The following WDR27 variants were observed in gnomAD, a reference collection of about 807,000 sequenced individuals.
The protein encoded by WDR27 is WD repeat-containing protein 27.
In WDR27, 100 loss-of-function variants were observed where a neutral mutation model predicts 114.4. The ratio of observed to expected loss-of-function variants is 0.87; its 90% CI spans 0.74 to 1.03. The LOEUF (loss-of-function observed/expected upper bound fraction) is 1.03, where lower values mean the gene tolerates loss of function less well. Among genes scored for constraint, WDR27 ranks in the 50% least tolerant of loss-of-function variants. The pLI is 0.00. For missense variants in WDR27, 1,129 were observed against 1,092.9 expected, an observed-to-expected ratio of 1.03 and a Z score of -0.47; for synonymous variants, 449 against 423.1, an observed-to-expected ratio of 1.06 and a Z score of -0.75.
chr6:169,548,637 C>T (rs746589487), intron 25 of WDR27, among the ~76,000 whole-genome samples: 12 of 152,046 alleles, frequency 7.9e-5, no homozygotes, highest in Non-Finnish European at 1.6e-4. Context: ...GTAACAGTTC[C>T]CTACTTCAAG....
chr6:169,484,030 T>A (rs1788546997), intron 25 of WDR27, among the ~76,000 whole-genome samples: 3 of 152,066 alleles, frequency 2.0e-5, no homozygotes. Flanking sequence ...TACCTCAAAA[T>A]AATGAGAGCC....
intron 25 of WDR27, among the ~76,000 whole-genome samples, chr6:169,562,377 C>CACACTAAT (rs1799794595): frequency 6.6e-6 from 1 of 152,162 alleles, no homozygotes. Context: ...AACAAAACAG[C>CACACTAAT]ACACTAATTT....
At chr6:169,645,303 G>A (rs938964969) in intron 16 of WDR27, among the ~76,000 whole-genome samples, 1 of 150,450 alleles carries the variant, frequency 6.6e-6, no homozygotes, top group Non-Finnish European at 1.5e-5. Flanking sequence ...GGGTCATACT[G>A]TAGAAAATCC....
At position 169,664,228 on chromosome 6, in the gene WDR27, A is replaced by T; in HGVS notation, c.842T>A (p.Leu281Gln). 6.2e-7 allele frequency: 1 copy of T among 1,613,530 alleles called. No individual in the cohort carries two copies. The highest frequency in any genetic ancestry group is 8.5e-7 in the Non-Finnish European group (1 of 1,179,604). ...HHYRRVARVD[L>Q]RKKTETFSTR... is the part of the protein sequence containing the mutation. ...GGAGAAAGTCTCTGTCTTCTTCCTT[A>T]GGTCAACCCGTGCCACACGACGATA... The change falls in exon 8 of 26, where the codon CTA becomes CAA. Residue 281 changes from leucine to glutamine, a missense_variant. Leu to Gln is a moderately radical substitution (Grantham distance 113). Coordinates refer to ENST00000448612, the MANE Select transcript of WDR27 (RefSeq NM_182552.5).
chr6:169,605,489 T>C, intron 22 of WDR27, among the ~76,000 whole-genome samples: 1 of 151,964 alleles, frequency 6.6e-6, no homozygotes. Context: ...AAACGTCCTA[T>C]GCTCATGGAT....
At chr6:169,475,238 T>C (rs2115351676) in intron 25 of WDR27, among the ~76,000 whole-genome samples, 1 of 152,362 alleles carries the variant, frequency 6.6e-6, no homozygotes, top group South Asian at 2.1e-4. Flanking sequence ...TTGATTCATT[T>C]TGAAACGCAG....
At chr6:169,485,702 TGTACGTGTAC>T (rs1788791505) in intron 25 of WDR27, among the ~76,000 whole-genome samples, 1 of 152,186 alleles carries the variant, frequency 6.6e-6, no homozygotes, top group Non-Finnish European at 1.5e-5. Flanking sequence ...TAAAGACACA[TGTACGTGTAC>T]GTTCACTGCA....
chr6:169,671,531 A>G (rs1219184456), intron 3 of WDR27: 1 of 152,140 alleles, frequency 6.6e-6, no homozygotes, highest in African/African-American at 2.4e-5. Context: ...ATTGCACAAA[A>G]CTCAAATTCC....
In WDR27 at chr6:169,664,494, C is replaced by T. The variant is rs369791141; in HGVS notation, c.784-208G>A. ...CCCACGGTGTCAGAGCACTTTCACA[C>T]GGCTGGCACATCAGCTCAGGGCACA... On this transcript the variant is annotated intron_variant, in intron 7 of 25. Transcript: ENST00000448612. The T allele has an allele frequency of 4.0e-5, 57 of 1,414,894 alleles. No homozygotes were observed. The African/African-American group carries it at 5.9e-4, about 15-fold the overall frequency. 87.6% of individuals were successfully genotyped at this position (1,414,894 alleles called of 1,614,324 possible). A position where few individuals can be genotyped will look rare whatever the true frequency, so the allele number is the denominator to read the frequency against.
At chr6:169,576,112 C>T (rs1343711766) in intron 24 of WDR27, among the ~76,000 whole-genome samples, 1 of 152,210 alleles carries the variant, frequency 6.6e-6, no homozygotes, top group African/African-American at 2.4e-5. Context: ...ACCAGATGAA[C>T]ACCACTCCTA....
intron 25 of WDR27, among the ~76,000 whole-genome samples, chr6:169,510,787 TAAAAAAAGACA>T (rs1308710366): frequency 5.9e-5 from 9 of 151,538 alleles, no homozygotes; most frequent in Non-Finnish European, 1.3e-4. Flanking sequence ...ATAATAATAA[TAAAAAAAGACA>T]AAAAAAAGAC....
chr6:169,477,635 C>A (rs963357322), intron 25 of WDR27, among the ~76,000 whole-genome samples: 8 of 152,148 alleles, frequency 5.3e-5, no homozygotes, highest in Non-Finnish European at 1.2e-4. Flanking sequence ...GACATGGTTT[C>A]TCCATGTTAG....
At chr6:169,453,035 C>T (rs1784219098), downstream of WDR27, among the ~76,000 whole-genome samples, 1 of 152,238 alleles carries the variant, frequency 6.6e-6, no homozygotes, top group Non-Finnish European at 1.5e-5. Flanking sequence ...TTCAGAGTGG[C>T]TGCAAGGGCA....
intron 25 of WDR27, among the ~76,000 whole-genome samples, chr6:169,565,356 T>C (rs1045296115): frequency 3.3e-5 from 5 of 152,154 alleles, no homozygotes; most frequent in Non-Finnish European, 1.5e-5. Flanking sequence ...ATATTCTAAA[T>C]TAGAAACATC....
At chr6:169,665,354 C>T (rs1827540200) in intron 7 of WDR27, 132 bp downstream of exon 7, 1 of 1,433,842 alleles carries the variant, frequency 7.0e-7, no homozygotes, top group Non-Finnish European at 9.2e-7. Context: ...AGGTCACGTT[C>T]TCAGCACTGA....
chr6:169,602,427 G>A (rs1808204593), intron 22 of WDR27, 106 bp from the exon 23 acceptor site: 1 of 689,690 alleles, frequency 1.4e-6, no homozygotes, highest in Admixed American at 2.5e-5. Context: ...AGGAACAAAA[G>A]AATAATGAAA....
At chr6:169,439,610 A>AT in the WDR27 span, among the ~76,000 whole-genome samples, 1 of 152,028 alleles carries the variant, frequency 6.6e-6, no homozygotes, top group Non-Finnish European at 1.5e-5. Context: ...AAAAATTATG[A>AT]TTTTTATGAC....
At chr6:169,668,478 C>T in intron 4 of WDR27, 1 of 346,956 alleles carries the variant, frequency 2.9e-6, no homozygotes, top group Admixed American at 4.3e-5. Context: ...ATCTGTTCTC[C>T]ACCTAGGGCT....
Position 169,644,872 on chromosome 6 carries a change from A to G in WDR27, c.1658-1086T>C, listed in dbSNP as rs1375611375. Among the ~76,000 whole-genome samples the G allele has an allele frequency of 2.9e-5, 3 of 102,870 alleles. 1 individual carries two copies. Among genetic ancestry groups the G allele is most frequent in the Middle Eastern group, 3.8e-3 (1 of 260 alleles). 67.5% of individuals were successfully genotyped at this position (102,870 alleles called of 152,430 possible). On this transcript the variant is annotated intron_variant, in intron 16 of 25. Transcript: ENST00000448612. ...AAAATACAAAAAATTAGCCGGGCGT[A>G]GTGGCGGGCGCCTGTAGTCCCAGCT...
Sources: allele counts gnomAD v4.1 joint callset (sites outside exome capture counted in the v4.1 genomes callset), GRCh38; gene constraint gnomAD v4.1.1; transcripts MANE v1.5; gene names NCBI Gene and HGNC (gene_info 2026-07-23, HGNC 2026-07-21).